RAD51D: variants seen among roughly 807,000 people sequenced by gnomAD.
RAD51D encodes the protein DNA repair protein RAD51 homolog 4.
Under a neutral mutation model 44.1 loss-of-function variants are expected in RAD51D, and 38 were observed. The observed-to-expected ratio is 0.86, with a 90% CI of 0.67 to 1.13. The LOEUF (loss-of-function observed/expected upper bound fraction) is 1.13, where lower values mean the gene tolerates loss of function less well. Ranked by LOEUF, RAD51D falls within the 50% of genes most tolerant of loss-of-function variation. The probability of loss-of-function intolerance (pLI) is 0.00; values close to 1 mark genes in which losing one functional copy is unlikely to be tolerated. For synonymous variants in RAD51D, 141 were observed against 166.6 expected, an observed-to-expected ratio of 0.85 and a Z score of 1.18; for missense variants, 390 against 414.0, an observed-to-expected ratio of 0.94 and a Z score of 0.50.
rs957449574 is a variant in RAD51D, at chr17:35,103,236, C to A, written c.738+18G>T. On this transcript the variant is annotated intron_variant, in intron 8 of 9. Coordinates refer to ENST00000345365, the MANE Select transcript of RAD51D (RefSeq NM_002878.4). The surrounding 1 kb of genome is among the most constrained non-coding windows in gnomAD (Gnocchi z 4.1). ...AATAACTAGAAATCAAGTTCATTGG[C>A]CAAGCCTGCTTCCTCACCACCACTG... 2 of 1,600,096 alleles carry A rather than the reference C, an allele frequency of 1.2e-6. No homozygotes were observed. The highest frequency in any genetic ancestry group is 2.7e-5 in the African/African-American group (2 of 74,736).
At chr17:35,107,475 A>T (rs2142437671) in intron 3 of RAD51D, 28 bp from the exon 4 acceptor site, 1 of 1,494,016 alleles carries the variant, frequency 6.7e-7, no homozygotes, top group Non-Finnish European at 9.3e-7. Context: ...GAAAATCAAC[A>T]CAAGAGGTTA....
chr17:35,119,778 T>TG lies in RAD51D; in HGVS notation c.-166dup, dbSNP rs1567736796. The TG allele has an allele frequency of 4.0e-6, 3 of 754,732 alleles. No individual in the cohort carries two copies. Among genetic ancestry groups the TG allele is most frequent in the Admixed American group, 4.0e-5 (2 of 49,870 alleles). The allele number at this position is 754,732 out of a possible 1,614,324, so 46.8% of individuals were successfully genotyped here. The stretch of plus-strand genomic sequence containing the variant: ...GAGGAGGCGGCACCAAGGGTAGGGC[T>TG]GGGGGTCATCCGCCCGCCCGGGATC... On this transcript the variant is annotated 5_prime_UTR_variant, in exon 1 of 10. The change creates a premature stop within an existing upstream ORF in the 5' untranslated region. Coordinates refer to ENST00000345365, the MANE Select transcript of RAD51D (RefSeq NM_002878.4).
chr17:35,106,560 GC>G, intron 5 of RAD51D, 79 bp from the exon 6 acceptor site: 1 of 1,024,580 alleles, frequency 9.8e-7, no homozygotes, highest in South Asian at 1.4e-5. Context: ...GAAGGAAGAG[GC>G]ACCTGGATGC....
intron 3 of RAD51D, chr17:35,116,808 A>C: frequency 3.6e-6 from 5 of 1,382,150 alleles, no homozygotes; most frequent in Non-Finnish European, 5.0e-6. Context: ...ATGATGATTT[A>C]AACAGTAACA....
rs1217701031 is a variant in RAD51D at position 35,100,816 on chromosome 17, C to T, written c.*137G>A. ...GCTTACAGAGAGTGAGGCCAAGGAA[C>T]CCAAGATGTCTCTTCTGGCCAGCCT... On this transcript the variant is annotated 3_prime_UTR_variant, in exon 10 of 10. Transcript: ENST00000345365. 4 of 764,908 alleles carry T rather than the reference C, an allele frequency of 5.2e-6. No individual in the cohort carries two copies. Among genetic ancestry groups the T allele is most frequent in the African/African-American group, 5.2e-5 (3 of 58,252 alleles). 47.4% of individuals were successfully genotyped at this position (764,908 alleles called of 1,614,324 possible).
At position 35,095,314 on chromosome 17, in the gene RAD51D, C is replaced by G. The variant is rs1204768946; in HGVS notation, c.*5639G>C. 4 of 152,066 alleles carry G rather than the reference C, an allele frequency of 2.6e-5. No homozygotes were observed. Among genetic ancestry groups the G allele is most frequent in the Non-Finnish European group, 2.9e-5 (2 of 68,046 alleles). The allele number at this position is 152,066 out of a possible 1,614,324, so 9.4% of individuals were successfully genotyped here. ...TCTGGCCAACATGGTGAAACCCCAT[C>G]TCTACTAAAAATACAAAAAGAGCCG... On this transcript the variant is annotated 3_prime_UTR_variant, in exon 10 of 10. Transcript: ENST00000345365.
rs149046515 is a variant in RAD51D at position 35,111,156 on chromosome 17, A to G, written c.264-3709T>C. On this transcript the variant is annotated intron_variant, in intron 3 of 9. Transcript: ENST00000345365. ...CACTTTGGGAGTCCGAGGCGGGTGG[A>G]TCACCTGAGGTCAGGAGTTCGAGAC... Among the ~76,000 whole-genome samples the G allele has an allele frequency of 7.7e-4, 117 of 151,908 alleles. 1 individual carries two copies. The East Asian group carries it at 0.019, about 24-fold the overall frequency.
rs1567735224 is a variant in RAD51D, at chr17:35,118,496, C to A, written c.263+5G>T. The A allele has an allele frequency of 6.2e-7, 1 of 1,612,794 alleles. No individual in the cohort carries two copies. The highest frequency in any genetic ancestry group is 8.5e-7 in the Non-Finnish European group (1 of 1,178,816). On this transcript the variant is annotated splice_donor_5th_base_variant and intron_variant, in intron 3 of 9. Coordinates refer to ENST00000345365, the MANE Select transcript of RAD51D (RefSeq NM_002878.4). ...TCTCCTTCTTCCCCAAGTACACACA[C>A]AAACCTGCCAATGCCAGTGGACAGG...
chr17:35,103,761 GGT>G lies in RAD51D; in HGVS notation c.577-219_577-218del, dbSNP rs1451344778. Among the ~76,000 whole-genome samples the G allele has an allele frequency of 6.6e-6, 1 of 152,212 alleles. No individual in the cohort carries two copies. The highest frequency in any genetic ancestry group is 1.5e-5 in the Non-Finnish European group (1 of 68,044). ...AATGAAGACTTGGGTAGAAAGAAAG[GGT>G]TTAAATCACAGGACATCAAAACTAC... is the stretch of plus-strand genomic sequence containing the variant. On this transcript the variant is annotated intron_variant, in intron 6 of 9. Transcript: ENST00000345365. This position sits in a 1 kb window ranked among gnomAD's most constrained non-coding sequence, Gnocchi z 4.1.
In RAD51D at chr17:35,096,317, G is replaced by C. The variant is rs1016648155; in HGVS notation, c.*4636C>G. 3 of 152,130 alleles carry C rather than the reference G, an allele frequency of 2.0e-5. No individual in the cohort carries two copies. Among genetic ancestry groups the C allele is most frequent in the African/African-American group, 7.2e-5 (3 of 41,420 alleles). 9.4% of individuals were successfully genotyped at this position (152,130 alleles called of 1,614,324 possible). Reference sequence around the variant, plus strand: ...CCCAAATTACTGGGATTACAGTCAGGAGCCACAGTTCCTGGCATGTTAACA... The same window carrying C: ...CCCAAATTACTGGGATTACAGTCAGCAGCCACAGTTCCTGGCATGTTAACA... On this transcript the variant is annotated 3_prime_UTR_variant, in exon 10 of 10. Transcript: ENST00000345365.
At chr17:35,119,410 CG>C (rs2091794761) in intron 1 of RAD51D, 121 bp downstream of exon 1, 1 of 1,192,582 alleles carries the variant, frequency 8.4e-7, no homozygotes, top group African/African-American at 1.5e-5. Flanking sequence ...TCCAGAAGCG[CG>C]GCCCTCTAGG....
At position 35,107,047 on chromosome 17, in the gene RAD51D, G is replaced by C. The variant is rs1057523780; in HGVS notation, c.421C>G (p.Leu141Val). 1 of 1,614,004 alleles carries C rather than the reference G, an allele frequency of 6.2e-7. No individual in the cohort carries two copies. Among genetic ancestry groups the C allele is most frequent in the African/African-American group, 1.3e-5 (1 of 74,890 alleles). Residue 141 changes from leucine to valine, a missense_variant, in exon 5 of 10, where the codon CTG becomes GTG. Physicochemically the swap from Leu to Val is conservative, Grantham distance 32. Coordinates refer to ENST00000345365, the MANE Select transcript of RAD51D (RefSeq NM_002878.4). ...NVLYVDSNGGLTASRLLQLLQ... is the reference protein window; with the variant it reads ...NVLYVDSNGGVTASRLLQLLQ... ...AGCTGGAGGAGGCGGGAAGCTGTCA[G>C]CCCTCCATTGGAATCTACATATAGG... is the stretch of plus-strand genomic sequence containing the variant.
intron 3 of RAD51D, among the ~76,000 whole-genome samples, chr17:35,112,297 C>T (rs559318131): frequency 6.6e-6 from 1 of 152,044 alleles, no homozygotes; most frequent in Non-Finnish European, 1.5e-5. Context: ...AGGATGGTCT[C>T]GATCTCCTGA....
At chr17:35,107,325 C>A (rs932599294) in intron 4 of RAD51D, 41 bp downstream of exon 4, 2 of 1,517,404 alleles carry the variant, frequency 1.3e-6, no homozygotes, top group Non-Finnish European at 1.8e-6. Context: ...CATCTACCAC[C>A]CTCACCCCTA....
chr17:35,117,203 A>T (rs1567734588), intron 3 of RAD51D, among the ~76,000 whole-genome samples: 5 of 152,304 alleles, frequency 3.3e-5, no homozygotes, highest in South Asian at 4.1e-4. Flanking sequence ...TCATTCGTGT[A>T]TGTATCATCT....
At chr17:35,111,093 C>T (rs1185711017) in intron 3 of RAD51D, among the ~76,000 whole-genome samples, 1 of 147,252 alleles carries the variant, frequency 6.8e-6, no homozygotes, top group Non-Finnish European at 1.5e-5. Flanking sequence ...AAGAGAGAAA[C>T]TCAGGCCAGG....
chr17:35,113,432 C>T, intron 3 of RAD51D: 1 of 239,118 alleles, frequency 4.2e-6, no homozygotes, highest in South Asian at 3.5e-5. Flanking sequence ...CCACGCCTGG[C>T]TAATTTTTGT....
Position 35,103,647 on chromosome 17 carries a change from C to G in RAD51D, c.577-103G>C, listed in dbSNP as rs188753384. 2.6e-3 allele frequency: 2,174 copies of G among 835,582 alleles called. 6 individuals carry two copies. The highest frequency in any genetic ancestry group is 3.4e-3 in the Non-Finnish European group (1,700 of 499,516). 51.8% of individuals were successfully genotyped at this position (835,582 alleles called of 1,614,324 possible). ...TAAAACTAGTAAGAAATAGCCCCCC[C>G]ATCCCAAATACAGCAAGCTGCACGG... On this transcript the variant is annotated intron_variant, in intron 6 of 9. Transcript: ENST00000345365. The surrounding 1 kb of genome is among the most constrained non-coding windows in gnomAD (Gnocchi z 4.1).
intron 6 of RAD51D, 64 bp downstream of exon 6, chr17:35,106,322 C>G: frequency 7.3e-7 from 1 of 1,360,594 alleles, no homozygotes; most frequent in Non-Finnish European, 1.1e-6. Context: ...AGTAGGACAC[C>G]TGCCCACAGA....
Sources: gnomAD v4.1 joint callset for allele counts (sites outside exome capture counted in the v4.1 genomes callset) on GRCh38, gnomAD v4.1.1 for gene constraint, Gnocchi (gnomAD v3.1) non-coding constraint, MANE v1.5 for transcripts, NCBI Gene and HGNC (gene_info 2026-07-23, HGNC 2026-07-21) for gene names.